TMEM51: variants seen among roughly 807,000 people sequenced by gnomAD.
TMEM51 encodes chromosome 1 open reading frame 72.
In TMEM51, 8 loss-of-function variants were observed where a neutral mutation model predicts 13.6. The observed-to-expected ratio is 0.59, with a 90% confidence interval of 0.35 to 1.07. The LOEUF (loss-of-function observed/expected upper bound fraction) is 1.07, where lower values mean the gene tolerates loss of function less well. TMEM51 is among the 50% of genes least tolerant of loss of function. TMEM51 has a pLI of 0.02. For missense variants in TMEM51, 279 were observed against 330.7 expected (o/e 0.84, Z 1.21); for synonymous variants, 147 against 144.4 (o/e 1.02, Z -0.13).
At chr1:15,182,174 A>C (rs1643637920) in intron 1 of TMEM51, among the ~76,000 whole-genome samples, 1 of 95,118 alleles carries the variant, frequency 1.1e-5, no homozygotes, top group Non-Finnish European at 2.0e-5. Context: ...ATAAATAAAT[A>C]AATAAATAAA....
chr1:15,209,911 G>C (rs1450967071), intron 1 of TMEM51, among the ~76,000 whole-genome samples: 3 of 152,056 alleles, frequency 2.0e-5, no homozygotes, highest in African/African-American at 7.2e-5. Context: ...TGCGCCTGTA[G>C]TCCCAGCTAC....
rs139733550 is a variant in TMEM51 at position 15,190,763 on chromosome 1, T to A, written c.-266-19727T>A. Reference sequence around the variant, plus strand: ...AGTCCCAAGAGTTTTTTTGTTTTGTTTTTGGTTTTTGGTTTTTTGTTTTGT... The same window carrying A: ...AGTCCCAAGAGTTTTTTTGTTTTGTATTTGGTTTTTGGTTTTTTGTTTTGT... On this transcript the variant is annotated intron_variant, in intron 1 of 3. Transcript: ENST00000376008. 4.4e-4 allele frequency among the ~76,000 whole-genome samples: 66 copies of A among 151,308 alleles called. 1 individual carries two copies. In the East Asian group the frequency reaches 0.013, roughly 29 times the overall value.
Position 15,219,783 on chromosome 1 carries a change from C to A in TMEM51, c.*40C>A. 6.3e-7 allele frequency: 1 copy of A among 1,589,722 alleles called. No individual in the cohort carries two copies. The highest frequency in any genetic ancestry group is 8.6e-7 in the Non-Finnish European group (1 of 1,167,464). On this transcript the variant is annotated 3_prime_UTR_variant, in exon 4 of 4. Transcript: ENST00000376008. ...GCCACGCTCCCTCCTGTCTCTCACA[C>A]CTTTCACCCCCAAGACTCTAACAAA...
At chr1:15,188,755 A>T (rs1643860895) in intron 1 of TMEM51, among the ~76,000 whole-genome samples, 1 of 152,188 alleles carries the variant, frequency 6.6e-6, no homozygotes, top group Non-Finnish European at 1.5e-5. Context: ...TTTCCCCAAG[A>T]TGCCATTGCC....
intron 1 of TMEM51, among the ~76,000 whole-genome samples, chr1:15,174,875 T>C (rs770324222): frequency 3.3e-5 from 5 of 152,114 alleles, no homozygotes; most frequent in Non-Finnish European, 7.4e-5. Flanking sequence ...CTAATCCCAT[T>C]AGACCACCTT....
chr1:15,204,816 A>G (rs1457704185), intron 1 of TMEM51, among the ~76,000 whole-genome samples: 2 of 147,746 alleles, frequency 1.4e-5, no homozygotes, highest in Admixed American at 6.7e-5. Flanking sequence ...TGCCCTAACT[A>G]TGTGCTGGGG....
intron 1 of TMEM51, among the ~76,000 whole-genome samples, chr1:15,208,473 A>C (rs1162049728): frequency 1.3e-5 from 2 of 152,146 alleles, no homozygotes; most frequent in African/African-American, 4.8e-5. Flanking sequence ...AAGATTAAAA[A>C]TTAAAACATT....
intron 1 of TMEM51, among the ~76,000 whole-genome samples, chr1:15,156,934 A>G (rs1465536287): frequency 6.6e-6 from 1 of 152,092 alleles, no homozygotes; most frequent in Non-Finnish European, 1.5e-5. Flanking sequence ...GGCTTCATAG[A>G]GTTGAGCTCC....
intron 1 of TMEM51, among the ~76,000 whole-genome samples, chr1:15,198,079 TC>T (rs1341606863): frequency 6.6e-6 from 1 of 152,058 alleles, no homozygotes; most frequent in Admixed American, 6.6e-5. Context: ...GGACCTAGGC[TC>T]CTTCTATCTT....
intron 1 of TMEM51, among the ~76,000 whole-genome samples, chr1:15,162,524 A>G (rs1642817957): frequency 6.6e-6 from 1 of 152,088 alleles, no homozygotes; most frequent in Non-Finnish European, 1.5e-5. Context: ...TCAATGCTCA[A>G]AAGAATTGAA....
At chr1:15,195,075 C>T (rs1644020725) in intron 1 of TMEM51, among the ~76,000 whole-genome samples, 1 of 151,856 alleles carries the variant, frequency 6.6e-6, no homozygotes. Flanking sequence ...CAGGCACTCA[C>T]CACCATGCCC....
At chr1:15,190,563 G>A (rs1270331965) in intron 1 of TMEM51, among the ~76,000 whole-genome samples, 2 of 152,016 alleles carry the variant, frequency 1.3e-5, no homozygotes, top group African/African-American at 2.4e-5. Flanking sequence ...TTGTGCCTGT[G>A]GCCCTTGTGG....
At chr1:15,180,014 GTAAA>G (rs575857095) in intron 1 of TMEM51, among the ~76,000 whole-genome samples, 3 of 152,162 alleles carry the variant, frequency 2.0e-5, no homozygotes, top group Admixed American at 6.5e-5. Context: ...TGCATCTTAA[GTAAA>G]TAAATAAGTA....
chr1:15,208,628 T>C (rs548223851), intron 1 of TMEM51, among the ~76,000 whole-genome samples: 2 of 152,076 alleles, frequency 1.3e-5, no homozygotes, highest in South Asian at 2.1e-4. Context: ...TTTAAAAAAT[T>C]TTAAATACAG....
intron 1 of TMEM51, among the ~76,000 whole-genome samples, chr1:15,199,107 G>A (rs1438002934): frequency 6.6e-5 from 10 of 151,268 alleles, no homozygotes; most frequent in African/African-American, 2.4e-4. Context: ...GAAGAAAGTC[G>A]ATTGTGTCTT....
At chr1:15,185,000 A>T (rs529333240) in intron 1 of TMEM51, among the ~76,000 whole-genome samples, 10 of 152,256 alleles carry the variant, frequency 6.6e-5, no homozygotes, top group African/African-American at 2.4e-4. Flanking sequence ...GAAACCTTGC[A>T]TAGAAGTACA....
At chr1:15,180,521 A>T (rs775981455) in intron 1 of TMEM51, among the ~76,000 whole-genome samples, 2 of 152,156 alleles carry the variant, frequency 1.3e-5, no homozygotes, top group Non-Finnish European at 2.9e-5. Context: ...CTGTGTGCTG[A>T]GGAGCTTTTG....
Position 15,201,910 on chromosome 1 carries a change from C to T in TMEM51, c.-266-8580C>T, listed in dbSNP as rs181975407. ...ACAGAGGGCTTGCTTCTGCAGGACT[C>T]GTGGGCCTGCAGAGGGCTGGCTGTC... On this transcript the variant is annotated intron_variant, in intron 1 of 3. Transcript: ENST00000376008. 8.5e-5 allele frequency among the ~76,000 whole-genome samples: 13 copies of T among 152,244 alleles called. No homozygotes were observed. The East Asian group carries it at 2.5e-3, about 29-fold the overall frequency.
At chr1:15,197,322 C>G (rs1438356339) in intron 1 of TMEM51, among the ~76,000 whole-genome samples, 1 of 152,106 alleles carries the variant, frequency 6.6e-6, no homozygotes, top group Admixed American at 6.5e-5. Context: ...GAAGGAAAAC[C>G]AGGCACTGTT....
Sources: gnomAD v4.1 joint callset for allele counts (sites outside exome capture counted in the v4.1 genomes callset) on GRCh38, gnomAD v4.1.1 for gene constraint, MANE v1.5 for transcripts, NCBI Gene and HGNC (gene_info 2026-07-23, HGNC 2026-07-21) for gene names.